The following TRAPPC9 variants were observed in gnomAD, a reference collection of about 807,000 sequenced individuals.
The protein encoded by TRAPPC9 is trafficking protein particle complex subunit 9, also known as IKK2 binding protein.
TRAPPC9 carries 83 observed loss-of-function variants against 124.0 expected under a neutral mutation model. The observed-to-expected ratio is 0.67, with a 90% confidence interval of 0.56 to 0.80. The LOEUF is 0.80. TRAPPC9 is among the 30% of genes least tolerant of loss of function. TRAPPC9 has a pLI of 0.00. For synonymous variants in TRAPPC9, 638 were observed against 617.5 expected (o/e 1.03, Z -0.49); for missense variants, 1,302 against 1,508.3 (o/e 0.86, Z 2.27).
At chr8:140,064,673 C>G (rs938589053) in intron 17 of TRAPPC9, among the ~76,000 whole-genome samples, 4 of 152,200 alleles carry the variant, frequency 2.6e-5, no homozygotes, top group African/African-American at 9.7e-5. Flanking sequence ...GAAAAGAAAA[C>G]TTCAGATTCT....
At chr8:140,331,428 T>A (rs917960625) in intron 9 of TRAPPC9, among the ~76,000 whole-genome samples, 1 of 152,042 alleles carries the variant, frequency 6.6e-6, no homozygotes, top group Admixed American at 6.6e-5. Flanking sequence ...ATTTTATGGA[T>A]AAGGACTCAA....
At chr8:140,277,948 C>A (rs1170567546) in intron 14 of TRAPPC9, among the ~76,000 whole-genome samples, 1 of 152,124 alleles carries the variant, frequency 6.6e-6, no homozygotes, top group East Asian at 1.9e-4. Flanking sequence ...GTTGAGGGAG[C>A]CCCTGGGTCT....
intron 9 of TRAPPC9, among the ~76,000 whole-genome samples, chr8:140,358,060 G>T (rs1015421847): frequency 3.9e-5 from 6 of 152,140 alleles, no homozygotes; most frequent in South Asian, 4.1e-4. Context: ...GAACCACAGG[G>T]GTTCACGAAA....
chr8:139,816,530 A>G (rs1824848365), intron 21 of TRAPPC9, among the ~76,000 whole-genome samples: 1 of 152,154 alleles, frequency 6.6e-6, no homozygotes, highest in Non-Finnish European at 1.5e-5. Context: ...GGGCCGACCC[A>G]GAGGGGACAG....
At chr8:140,041,287 T>C (rs1841260807) in intron 17 of TRAPPC9, among the ~76,000 whole-genome samples, 1 of 152,146 alleles carries the variant, frequency 6.6e-6, no homozygotes, top group South Asian at 2.1e-4. Flanking sequence ...TACACATATA[T>C]AGTAAAGTGT....
chr8:140,456,949 G>A (rs1321043356), intron 1 of TRAPPC9: 3 of 434,848 alleles, frequency 6.9e-6, no homozygotes, highest in Non-Finnish European at 9.2e-6. Context: ...GGGGTGGGCT[G>A]ACAGGGAGAA....
intron 17 of TRAPPC9, among the ~76,000 whole-genome samples, chr8:140,162,096 C>A (rs1015814792): frequency 6.6e-6 from 1 of 152,184 alleles, no homozygotes. Context: ...CTTGAGTTTC[C>A]GGCTTACCAC....
chr8:139,942,851 C>A (rs1833998149), intron 19 of TRAPPC9, among the ~76,000 whole-genome samples: 1 of 152,078 alleles, frequency 6.6e-6, no homozygotes, highest in East Asian at 1.9e-4. Context: ...GCCAAAAAGT[C>A]TGAAGACAGA....
intron 9 of TRAPPC9, among the ~76,000 whole-genome samples, chr8:140,313,070 T>C (rs2066343135): frequency 6.6e-6 from 1 of 152,230 alleles, no homozygotes. Flanking sequence ...TCCCTCATTC[T>C]TAGGAAGCCA....
At chr8:139,937,540 G>T (rs1833611053) in intron 19 of TRAPPC9, among the ~76,000 whole-genome samples, 1 of 152,150 alleles carries the variant, frequency 6.6e-6, no homozygotes, top group African/African-American at 2.4e-5. Flanking sequence ...GAGGGCCGAG[G>T]TGGCAGGGCC....
intron 7 of TRAPPC9, among the ~76,000 whole-genome samples, chr8:140,396,138 C>CTTTT (rs59266343): frequency 3.6e-5 from 3 of 83,352 alleles, no homozygotes; most frequent in Non-Finnish European, 6.3e-5. Flanking sequence ...AAGACCTTGC[C>CTTTT]TTTTTTTTTT....
intron 2 of TRAPPC9, 26 bp from the exon 3 acceptor site, chr8:140,439,223 T>G (rs761104717): frequency 1.2e-6 from 2 of 1,613,076 alleles, no homozygotes; most frequent in African/African-American, 1.3e-5. Flanking sequence ...AAATGTATCT[T>G]TATTACTATA....
At chr8:140,137,048 A>C (rs1587786324) in intron 17 of TRAPPC9, among the ~76,000 whole-genome samples, 1 of 152,170 alleles carries the variant, frequency 6.6e-6, no homozygotes, top group Non-Finnish European at 1.5e-5. Flanking sequence ...TACCCAAAGC[A>C]TGGTGGAGCA....
At chr8:139,958,526 T>G (rs891796425) in intron 19 of TRAPPC9, among the ~76,000 whole-genome samples, 2 of 152,130 alleles carry the variant, frequency 1.3e-5, no homozygotes, top group African/African-American at 4.8e-5. Flanking sequence ...TCTCAACAGT[T>G]TCTGTTATCC....
chr8:140,130,976 T>C (rs1212251486), intron 17 of TRAPPC9, among the ~76,000 whole-genome samples: 3 of 152,260 alleles, frequency 2.0e-5, no homozygotes, highest in East Asian at 1.9e-4. Flanking sequence ...ATTAATTCCA[T>C]ACGCAGACTT....
At chr8:140,164,922 CTCTAG>C (rs1299208585) in intron 17 of TRAPPC9, among the ~76,000 whole-genome samples, 5 of 152,248 alleles carry the variant, frequency 3.3e-5, no homozygotes, top group African/African-American at 9.6e-5. Flanking sequence ...CCCTGCCTCT[CTCTAG>C]TCTAGCATGA....
rs571915681 is a variant in TRAPPC9, at chr8:139,860,139, T to C, written c.3055+25740A>G. ...AGTAGCCGGACAGATGTTTGTGGAG[T>C]GAATAAACAGTTGAATAAATGATCC... On this transcript the variant is annotated intron_variant, in intron 21 of 22. Transcript: ENST00000438773. 2.6e-5 allele frequency among the ~76,000 whole-genome samples: 4 copies of C among 151,706 alleles called. No homozygotes were observed. The East Asian group carries it at 7.8e-4, about 29-fold the overall frequency.
chr8:139,910,408 CG>C (rs1831650368), intron 19 of TRAPPC9, 108 bp from the exon 20 acceptor site: 1 of 1,128,022 alleles, frequency 8.9e-7, no homozygotes, highest in South Asian at 1.3e-5. Flanking sequence ...GAATCATTAT[CG>C]TTAGTAATTC....
Position 140,125,783 on chromosome 8 carries a change from C to T in TRAPPC9, c.2556+95676G>A, listed in dbSNP as rs546833177. On this transcript the variant is annotated intron_variant, in intron 17 of 22. Transcript: ENST00000438773. Reference sequence around the variant, plus strand: ...CTAATTTTTTTGTACTTTAGTGAGACGGGTTCATGTCCAGATCCTTGTTTG... The same window carrying T: ...CTAATTTTTTTGTACTTTAGTGAGATGGGTTCATGTCCAGATCCTTGTTTG... Among the ~76,000 whole-genome samples, 91 of 151,764 alleles carry T rather than the reference C, an allele frequency of 6.0e-4. 1 individual carries two copies. Among genetic ancestry groups the T allele is most frequent in the Non-Finnish European group, 3.8e-4 (26 of 67,906 alleles).
Sources: gnomAD v4.1 joint callset for allele counts (sites outside exome capture counted in the v4.1 genomes callset) on GRCh38, gnomAD v4.1.1 for gene constraint, MANE v1.5 for transcripts, NCBI Gene and HGNC (gene_info 2026-07-23, HGNC 2026-07-21) for gene names.